The following NUMB variants were observed in gnomAD, a reference collection of about 807,000 sequenced individuals.
The protein encoded by NUMB is protein numb homolog.
A neutral mutation model predicts 59.7 loss-of-function variants in NUMB; 29 were observed. The ratio of observed to expected loss-of-function variants is 0.49; its 90% CI spans 0.36 to 0.66. The LOEUF is 0.66. Among genes scored for constraint, NUMB ranks in the 30% least tolerant of loss-of-function variants. NUMB has a pLI of 0.00. For missense variants in NUMB, 723 were observed against 822.0 expected (o/e 0.88, Z 1.47); for synonymous variants, 288 against 288.2 (o/e 1.00, Z 0.01).
At chr14:73,407,915 T>G (rs934171134) in intron 2 of NUMB, among the ~76,000 whole-genome samples, 1 of 152,196 alleles carries the variant, frequency 6.6e-6, no homozygotes, top group Admixed American at 6.5e-5. Flanking sequence ...CTCTGTAACT[T>G]TGCAGTTTTC....
chr14:73,412,366 G>A (rs1431175139), intron 1 of NUMB, among the ~76,000 whole-genome samples: 2 of 151,982 alleles, frequency 1.3e-5, no homozygotes, highest in Non-Finnish European at 2.9e-5. Flanking sequence ...GGTGGCTCAC[G>A]CTTGTAATCC....
At chr14:73,325,674 G>A (rs975118206) in intron 4 of NUMB, among the ~76,000 whole-genome samples, 2 of 152,148 alleles carry the variant, frequency 1.3e-5, no homozygotes, top group African/African-American at 4.8e-5. Flanking sequence ...CCAAAAGCGA[G>A]TGCTGTGATA....
intron 1 of NUMB, among the ~76,000 whole-genome samples, chr14:73,411,268 G>A (rs570064144): frequency 6.6e-6 from 1 of 152,164 alleles, no homozygotes; most frequent in South Asian, 2.1e-4. Context: ...TGCGCAGGCT[G>A]AATGAATGAG....
intron 11 of NUMB, among the ~76,000 whole-genome samples, 190 bp from the exon 12 acceptor site, chr14:73,279,614 T>C (rs1221778332): frequency 1.3e-5 from 2 of 152,220 alleles, no homozygotes; most frequent in South Asian, 4.1e-4. Context: ...CAATCAGAGA[T>C]TGTAATTTTT....
intron 2 of NUMB, among the ~76,000 whole-genome samples, chr14:73,377,018 A>C (rs1002403617): frequency 2.0e-5 from 3 of 152,240 alleles, no homozygotes; most frequent in African/African-American, 7.2e-5. Flanking sequence ...CAAATGAAAA[A>C]GAAAAAAGAA....
chr14:73,308,642 G>A (rs1440153001), intron 6 of NUMB, among the ~76,000 whole-genome samples: 1 of 152,116 alleles, frequency 6.6e-6, no homozygotes, highest in Non-Finnish European at 1.5e-5. Flanking sequence ...TGGAGTTCAG[G>A]GGAGATGTAT....
intron 7 of NUMB, among the ~76,000 whole-genome samples, chr14:73,295,129 G>A (rs1034506677): frequency 7.3e-5 from 11 of 150,930 alleles, no homozygotes; most frequent in Non-Finnish European, 1.5e-4. Flanking sequence ...TGAGAGGTGG[G>A]ATAGCAAGGC....
At chr14:73,392,197 A>G (rs1404620048) in intron 2 of NUMB, among the ~76,000 whole-genome samples, 1 of 152,222 alleles carries the variant, frequency 6.6e-6, no homozygotes, top group Non-Finnish European at 1.5e-5. Flanking sequence ...AGGAAAACAG[A>G]GCTGAGAAAT....
intron 4 of NUMB, among the ~76,000 whole-genome samples, chr14:73,339,622 G>A (rs914477384): frequency 1.3e-5 from 2 of 152,054 alleles, no homozygotes; most frequent in Non-Finnish European, 2.9e-5. Context: ...AAACTCCTGG[G>A]TTCAAGTGAT....
chr14:73,409,051 CAT>C (rs757891472), intron 2 of NUMB: 1 of 152,130 alleles, frequency 6.6e-6, no homozygotes, highest in Non-Finnish European at 1.5e-5. Context: ...TCATATATTA[CAT>C]GTTATTTATA....
At chr14:73,424,300 G>A (rs1038758205) in intron 1 of NUMB, among the ~76,000 whole-genome samples, 2 of 152,012 alleles carry the variant, frequency 1.3e-5, no homozygotes, top group African/African-American at 4.8e-5. Context: ...AAAGGTTCTG[G>A]GTCAGAATCC....
intron 4 of NUMB, among the ~76,000 whole-genome samples, chr14:73,339,870 G>A (rs1029043108): frequency 1.6e-4 from 24 of 152,168 alleles, no homozygotes; most frequent in Admixed American, 1.5e-3. Context: ...AGGCAGAAGA[G>A]TGGAAAACCT....
At chr14:73,313,642 A>G (rs889372022) in intron 6 of NUMB, among the ~76,000 whole-genome samples, 1 of 144,888 alleles carries the variant, frequency 6.9e-6, no homozygotes, top group African/African-American at 2.6e-5. Context: ...ATATCTCATT[A>G]TATATATGCA....
intron 8 of NUMB, 77 bp from the exon 9 acceptor site, chr14:73,287,391 T>C (rs1889088475): frequency 7.6e-7 from 1 of 1,309,284 alleles, no homozygotes; most frequent in East Asian, 2.5e-5. Context: ...TTGTTTTGTT[T>C]TGTTTTTGAG....
intron 2 of NUMB, among the ~76,000 whole-genome samples, chr14:73,385,496 C>T (rs112782708): frequency 0.055 from 3,598 of 65,634 alleles, 142 homozygotes; most frequent in South Asian, 0.074. Flanking sequence ...GGCTAGTGGC[C>T]TTTTTTTTTT....
intron 2 of NUMB, among the ~76,000 whole-genome samples, chr14:73,397,961 T>C (rs1896216274): frequency 6.6e-6 from 1 of 152,230 alleles, no homozygotes; most frequent in Non-Finnish European, 1.5e-5. Context: ...TGAGAAGTCT[T>C]TGAACTCTAG....
At chr14:73,422,363 A>T (rs151073151) in intron 1 of NUMB, among the ~76,000 whole-genome samples, 2 of 152,262 alleles carry the variant, frequency 1.3e-5, no homozygotes, top group East Asian at 3.9e-4. Flanking sequence ...CTTGTGGAGA[A>T]CCAGAGCCTT....
rs1407220141 is a variant in NUMB, at chr14:73,284,247, G to C, written c.783C>G (p.Ile261Met). ...GTTCAATTGGAGCATGCCGGCGTGG[G>C]ATGGCATGAGGATTGTTCATCTCCA... ...TSLEMNNPHA[I>M]PRRHAPIEQL... Residue 261 changes from isoleucine to methionine, a missense_variant, in exon 10 of 13, where the codon ATC (isoleucine) becomes ATG (methionine). Ile to Met is a conservative substitution (Grantham distance 10). Coordinates refer to ENST00000555238, the MANE Select transcript of NUMB (RefSeq NM_001005743.2). 1 of 1,614,078 alleles carries C rather than the reference G, an allele frequency of 6.2e-7. No homozygotes were observed. Among genetic ancestry groups the C allele is most frequent in the Non-Finnish European group, 8.5e-7 (1 of 1,180,034 alleles).
intron 1 of NUMB, among the ~76,000 whole-genome samples, chr14:73,410,722 T>C (rs908542742): frequency 5.3e-5 from 8 of 152,248 alleles, no homozygotes; most frequent in African/African-American, 1.7e-4. Context: ...GCTGTAATTC[T>C]ATGTAAGCAA....
Sources: gnomAD v4.1 joint callset for allele counts (sites outside exome capture counted in the v4.1 genomes callset) on GRCh38, gnomAD v4.1.1 for gene constraint, MANE v1.5 for transcripts, NCBI Gene and HGNC (gene_info 2026-07-23, HGNC 2026-07-21) for gene names.